Variants in SH2D4B observed in about 807,000 individuals in gnomAD.
SH2D4B encodes the protein SH2 domain containing 4B, also known as SH2 domain-containing protein 4B.
A neutral mutation model predicts 61.5 loss-of-function variants in SH2D4B; 45 were observed. The observed-to-expected ratio is 0.73, with a 90% CI of 0.58 to 0.94. SH2D4B has a LOEUF of 0.94. Ranked by LOEUF, SH2D4B falls within the 40% of genes least tolerant of loss-of-function variation. SH2D4B has a pLI of 0.00. For missense variants in SH2D4B, 572 were observed against 574.2 expected (o/e 1.00, Z 0.04); for synonymous variants, 224 against 220.4 (o/e 1.02, Z -0.14).
intron 3 of SH2D4B, among the ~76,000 whole-genome samples, chr10:80,575,215 T>C (rs1378291245): frequency 2.0e-5 from 3 of 151,900 alleles, no homozygotes; most frequent in Middle Eastern, 3.4e-3. Flanking sequence ...AAAATATTAA[T>C]AATTGGTGAA....
At chr10:80,586,124 C>T (rs1481157038) in intron 3 of SH2D4B, among the ~76,000 whole-genome samples, 3 of 152,266 alleles carry the variant, frequency 2.0e-5, no homozygotes, top group Non-Finnish European at 2.9e-5. Flanking sequence ...GGGCAGGGCT[C>T]GGGACCTGCA....
intron 4 of SH2D4B, among the ~76,000 whole-genome samples, chr10:80,592,488 C>A (rs1842340772): frequency 6.6e-6 from 1 of 152,146 alleles, no homozygotes; most frequent in South Asian, 2.1e-4. Context: ...TATCTTTGTT[C>A]TAAGAGCTTT....
At chr10:80,609,678 G>C in intron 6 of SH2D4B, 127 bp downstream of exon 6, 2 of 1,455,662 alleles carry the variant, frequency 1.4e-6, no homozygotes, top group East Asian at 2.3e-5. Context: ...TCTCCATTCT[G>C]TCCCTCTCCC....
At chr10:80,599,129 T>C (rs1003356089) in intron 4 of SH2D4B, among the ~76,000 whole-genome samples, 26 of 152,072 alleles carry the variant, frequency 1.7e-4, no homozygotes, top group African/African-American at 6.0e-4. Flanking sequence ...TCCTTTCTTC[T>C]TAAAAAGGAG....
rs1398702412 is a variant in SH2D4B at position 80,596,383 on chromosome 10, C to T, written c.644-7196C>T. 2.6e-5 allele frequency among the ~76,000 whole-genome samples: 4 copies of T among 152,310 alleles called. No individual in the cohort carries two copies. In the South Asian group the frequency reaches 6.2e-4, roughly 24 times the overall value. On this transcript the variant is annotated intron_variant, in intron 4 of 7. Transcript: ENST00000646907. The stretch of plus-strand genomic sequence containing the variant: ...CTTAGGACAGTCATTGCTCATGAGC[C>T]GAGAACAGCCTCATAGCAGAGCATT...
At chr10:80,546,301 G>C (rs1287299643) in intron 1 of SH2D4B, among the ~76,000 whole-genome samples, 1 of 151,968 alleles carries the variant, frequency 6.6e-6, no homozygotes, top group Non-Finnish European at 1.5e-5. Context: ...ACCAGCCTTG[G>C]CCTCCTAAAG....
intron 5 of SH2D4B, among the ~76,000 whole-genome samples, chr10:80,604,810 T>C (rs1842497825): frequency 6.6e-6 from 1 of 152,112 alleles, no homozygotes; most frequent in Non-Finnish European, 1.5e-5. Context: ...TTTTCTTTTT[T>C]TGAGACAGAG....
chr10:80,592,339 C>T (rs1842338773), intron 4 of SH2D4B, among the ~76,000 whole-genome samples: 2 of 152,118 alleles, frequency 1.3e-5, no homozygotes, highest in African/African-American at 4.8e-5. Context: ...TGTCTTTTCA[C>T]TTTCTTGATA....
At chr10:80,582,052 G>A (rs72805726) in intron 3 of SH2D4B, among the ~76,000 whole-genome samples, 4,990 of 152,206 alleles carry the variant, frequency 0.033, 92 homozygotes, top group Middle Eastern at 0.058. Context: ...ACAAAATTCC[G>A]ATTTCCTTAT....
chr10:80,596,897 A>G (rs960632654), intron 4 of SH2D4B, among the ~76,000 whole-genome samples: 6 of 152,172 alleles, frequency 3.9e-5, no homozygotes, highest in African/African-American at 1.2e-4. Flanking sequence ...GAGCAACAGT[A>G]TACGCTTGGC....
intron 2 of SH2D4B, among the ~76,000 whole-genome samples, chr10:80,570,773 G>A (rs542160154): frequency 4.3e-4 from 65 of 152,252 alleles, no homozygotes; most frequent in South Asian, 1.0e-3. Context: ...CTTATTGGTG[G>A]ACATTTGGGT....
chr10:80,553,706 G>A (rs866534872), intron 1 of SH2D4B, among the ~76,000 whole-genome samples: 6 of 152,192 alleles, frequency 3.9e-5, no homozygotes, highest in South Asian at 4.1e-4. Flanking sequence ...GTGGCTTAGC[G>A]TGACCAGCCC....
chr10:80,602,337 C>T (rs1416673588), intron 4 of SH2D4B, among the ~76,000 whole-genome samples: 1 of 152,120 alleles, frequency 6.6e-6, no homozygotes, highest in East Asian at 1.9e-4. Flanking sequence ...GTGGCGCACA[C>T]CTGTACTCTC....
At chr10:80,572,976 ATATATATATATTTTTT>A (rs1842075730) in intron 3 of SH2D4B, among the ~76,000 whole-genome samples, 4 of 7,616 alleles carry the variant, frequency 5.3e-4, no homozygotes, top group African/African-American at 2.0e-3. Context: ...ATATATATAT[ATATATATATATTTTTT>A]TTTTTTTTTT....
intron 6 of SH2D4B, among the ~76,000 whole-genome samples, chr10:80,611,982 G>C (rs1259879210): frequency 6.6e-6 from 1 of 152,198 alleles, no homozygotes; most frequent in Admixed American, 6.5e-5. Flanking sequence ...AAAGAAAAAG[G>C]CTCACATATG....
rs192349270 is a variant in SH2D4B at position 80,645,464 on chromosome 10, G to A, written c.*1379G>A. The stretch of plus-strand genomic sequence containing the variant: ...CAGAAGAGATGGGAAGTGAATGCCC[G>A]ATGTGGTGAATCTGGGATGAATGGG... On this transcript the variant is annotated 3_prime_UTR_variant, in exon 8 of 8. Transcript: ENST00000646907. The A allele has an allele frequency of 3.0e-4, 45 of 152,336 alleles. No individual in the cohort carries two copies. Among genetic ancestry groups the A allele is most frequent in the African/African-American group, 8.7e-4 (36 of 41,568 alleles). 9.4% of individuals were successfully genotyped at this position (152,336 alleles called of 1,614,324 possible). A position where few individuals can be genotyped will look rare whatever the true frequency, so the allele number is the denominator to read the frequency against.
intron 5 of SH2D4B, among the ~76,000 whole-genome samples, chr10:80,604,952 C>A (rs768576742): frequency 6.6e-6 from 1 of 152,164 alleles, no homozygotes; most frequent in South Asian, 2.1e-4. Flanking sequence ...CGCCACCACA[C>A]CCAGCTAATT....
intron 3 of SH2D4B, among the ~76,000 whole-genome samples, chr10:80,582,863 G>A (rs1842199628): frequency 6.6e-6 from 1 of 152,170 alleles, no homozygotes; most frequent in East Asian, 1.9e-4. Context: ...AATGCTGGGG[G>A]TGATACCACC....
At chr10:80,604,167 A>G (rs1303677816) in intron 5 of SH2D4B, among the ~76,000 whole-genome samples, 6 of 152,204 alleles carry the variant, frequency 3.9e-5, no homozygotes, top group Non-Finnish European at 7.3e-5. Context: ...AGATGGGTAA[A>G]GCATGGCCGG....
Sources: allele counts gnomAD v4.1 joint callset (sites outside exome capture counted in the v4.1 genomes callset), GRCh38; gene constraint gnomAD v4.1.1; transcripts MANE v1.5; gene names NCBI Gene and HGNC (gene_info 2026-07-23, HGNC 2026-07-21).